Variants in KPNA7 observed in about 807,000 individuals in gnomAD.
The protein encoded by KPNA7 is importin subunit alpha-8.
In KPNA7, 54 loss-of-function variants were observed where a neutral mutation model predicts 53.7. The observed-to-expected ratio is 1.01, with a 90% confidence interval of 0.81 to 1.26. The LOEUF is 1.26. Among genes scored for constraint, KPNA7 ranks in the 50% most tolerant of loss-of-function variants. The pLI, the probability that KPNA7 is intolerant of heterozygous loss-of-function variation, is 0.00. For synonymous variants in KPNA7, 276 were observed against 259.3 expected (o/e 1.06, Z -0.62); for missense variants, 640 against 644.5 (o/e 0.99, Z 0.07).
In KPNA7 at chr7:99,195,703, A is replaced by C. The variant is rs559295668; in HGVS notation, c.285-365T>G. 7.2e-5 allele frequency among the ~76,000 whole-genome samples: 11 copies of C among 152,278 alleles called. No homozygotes were observed. In the South Asian group the frequency reaches 1.9e-3, roughly 26 times the overall value. ...GGGTGACAGAGTGAGACTCCATCTC[A>C]AAAGAGAAAAAAAGAACCTCCTTTT... On this transcript the variant is annotated intron_variant, in intron 4 of 10. Transcript: ENST00000327442.
At chr7:99,201,662 CA>C (rs111393769) in intron 3 of KPNA7, among the ~76,000 whole-genome samples, 84 of 122,784 alleles carry the variant, frequency 6.8e-4, no homozygotes, top group Middle Eastern at 7.8e-3. Flanking sequence ...GACTCTGTCT[CA>C]AAAAAAAAAA....
At chr7:99,188,649 C>T in intron 6 of KPNA7, 86 bp from the exon 7 acceptor site, 2 of 1,317,654 alleles carry the variant, frequency 1.5e-6, no homozygotes, top group Non-Finnish European at 2.1e-6. Context: ...CCAATCAATA[C>T]CATAGATCAG....
At chr7:99,214,436 C>G (rs1036871547) in intron 1 of KPNA7, among the ~76,000 whole-genome samples, 6 of 147,756 alleles carry the variant, frequency 4.1e-5, no homozygotes, top group African/African-American at 1.5e-4. Flanking sequence ...GAGCAAGACC[C>G]TATCTCAAAA....
chr7:99,201,628 A>G (rs1584308829), intron 3 of KPNA7, among the ~76,000 whole-genome samples: 1 of 148,688 alleles, frequency 6.7e-6, no homozygotes. Flanking sequence ...GTGCCACTGC[A>G]CTCCAGCCTG....
chr7:99,175,658 G>A (rs534731344), intron 10 of KPNA7, among the ~76,000 whole-genome samples: 1 of 151,778 alleles, frequency 6.6e-6, no homozygotes, highest in African/African-American at 2.4e-5. Context: ...GGGATTACGG[G>A]CACAAACCAC....
intron 7 of KPNA7, among the ~76,000 whole-genome samples, chr7:99,187,835 A>C (rs1405623081): frequency 2.7e-4 from 33 of 123,910 alleles, no homozygotes; most frequent in East Asian, 8.5e-4. Flanking sequence ...AAAAAAAAAA[A>C]CCCACTAGGA....
intron 1 of KPNA7, among the ~76,000 whole-genome samples, chr7:99,217,110 C>T (rs1026825112): frequency 6.6e-6 from 1 of 152,152 alleles, no homozygotes; most frequent in Admixed American, 6.6e-5. Context: ...CAAAGTAACA[C>T]ATAGTGAGGG....
chr7:99,187,718 T>TA (rs1789672682), intron 7 of KPNA7, among the ~76,000 whole-genome samples: 2 of 149,308 alleles, frequency 1.3e-5, no homozygotes, highest in South Asian at 4.2e-4. Flanking sequence ...CACACTCAGT[T>TA]AATTCTTTGG....
chr7:99,177,963 A>G lies in KPNA7; in HGVS notation c.1421T>C (p.Ile474Thr). The change falls in exon 10 of 11, where the codon ATT becomes ACT. Residue 474 changes from isoleucine (I) to threonine (T), a missense_variant. Ile to Thr is a moderately conservative substitution (Grantham distance 89, BLOSUM62 -1). Transcript: ENST00000327442. ...EALQLHENRQ[I>T]GQSALNIIEK... ...GATGATGTTCAAAGCCGACTGGCCA[A>G]TTTGACGGTTCTCATGCAGCTGTAA... 6.4e-7 allele frequency: 1 copy of G among 1,552,090 alleles called. No homozygotes were observed.
intron 8 of KPNA7, among the ~76,000 whole-genome samples, 179 bp from the exon 9 acceptor site, chr7:99,182,244 C>T (rs528963468): frequency 6.6e-6 from 1 of 152,294 alleles, no homozygotes; most frequent in South Asian, 2.1e-4. Flanking sequence ...GTCGCCCAGG[C>T]TGGAGTGCAG....
chr7:99,176,142 C>G (rs1019628068), intron 10 of KPNA7, among the ~76,000 whole-genome samples: 1 of 151,256 alleles, frequency 6.6e-6, no homozygotes, highest in African/African-American at 2.4e-5. Flanking sequence ...ACTAAAAGTA[C>G]AAAAAATTAG....
At chr7:99,213,336 G>C (rs1278033174) in intron 1 of KPNA7, among the ~76,000 whole-genome samples, 2 of 150,090 alleles carry the variant, frequency 1.3e-5, no homozygotes, top group African/African-American at 4.9e-5. Context: ...TGCCATGTTG[G>C]CCAGGATGGT....
intron 2 of KPNA7, among the ~76,000 whole-genome samples, chr7:99,203,930 T>C (rs34221671): frequency 0.079 from 12,022 of 152,052 alleles, 511 homozygotes; most frequent in South Asian, 0.15. Flanking sequence ...AGGCTGCTCT[T>C]GAATTCCTAG....
chr7:99,150,088 C>T, the KPNA7 span, among the ~76,000 whole-genome samples: 519 of 151,254 alleles, frequency 3.4e-3, 1 homozygote, highest in African/African-American at 0.011. Context: ...CATGAGCCAC[C>T]GCACCAGGCC....
chr7:99,183,098 T>C (rs780292050), intron 8 of KPNA7, among the ~76,000 whole-genome samples: 1 of 151,918 alleles, frequency 6.6e-6, no homozygotes, highest in Non-Finnish European at 1.5e-5. Context: ...TCTATTAAAA[T>C]ACAAAAAATT....
the KPNA7 span, among the ~76,000 whole-genome samples, chr7:99,159,054 G>A: frequency 2.0e-5 from 3 of 151,964 alleles, no homozygotes; most frequent in Admixed American, 6.6e-5. Context: ...TAGTAGAGAC[G>A]GGGTTTCACC....
the KPNA7 span, among the ~76,000 whole-genome samples, chr7:99,167,754 TA>T: frequency 6.7e-6 from 1 of 150,370 alleles, no homozygotes; most frequent in Middle Eastern, 3.2e-3. Flanking sequence ...GTGCTAGGAT[TA>T]CAGTCATGAG....
At chr7:99,179,288 G>A (rs143039220) in intron 9 of KPNA7, among the ~76,000 whole-genome samples, 1 of 152,226 alleles carries the variant, frequency 6.6e-6, no homozygotes, top group South Asian at 2.1e-4. Flanking sequence ...TGGACACAGT[G>A]GCCCATTCCT....
At position 99,182,032 on chromosome 7, in the gene KPNA7, T is replaced by C. The variant is rs1789278062; in HGVS notation, c.1168A>G (p.Met390Val). 3 of 1,545,282 alleles carry C rather than the reference T, an allele frequency of 1.9e-6. No homozygotes were observed. Among genetic ancestry groups the C allele is most frequent in the African/African-American group, 1.4e-5 (1 of 72,990 alleles). The change falls in exon 9 of 11, where the codon ATG becomes GTG. Residue 390 changes from methionine to valine, a missense_variant. By Grantham distance (21) the Met-to-Val change is conservative. Coordinates refer to ENST00000327442, the MANE Select transcript of KPNA7 (RefSeq NM_001145715.3). ...EFKVQKEAVW[M>V]VANFATGATM... ...GCCCCTGTTGCAAAGTTCGCCACCA[T>C]CCAGACAGCCTCTTTCTGGACTTTA... is the stretch of plus-strand genomic sequence containing the variant.
Sources: allele counts gnomAD v4.1 joint callset (sites outside exome capture counted in the v4.1 genomes callset), GRCh38; gene constraint gnomAD v4.1.1; transcripts MANE v1.5; gene names NCBI Gene and HGNC (gene_info 2026-07-23, HGNC 2026-07-21).